Variants in PTPRG observed in about 807,000 individuals in gnomAD.
PTPRG encodes protein tyrosine phosphatase receptor type G.
Under a neutral mutation model 165.3 loss-of-function variants are expected in PTPRG, and 102 were observed. The ratio of observed to expected loss-of-function variants is 0.62; its 90% CI spans 0.53 to 0.73. PTPRG has a LOEUF of 0.73. Ranked by LOEUF, PTPRG falls within the 30% of genes least tolerant of loss-of-function variation. The pLI is 0.00. For synonymous variants in PTPRG, 675 were observed against 669.5 expected (o/e 1.01, Z -0.13); for missense variants, 1,866 against 1,861.4 (o/e 1.00, Z -0.05).
At chr3:61,746,240 A>T (rs1228994818) in intron 1 of PTPRG, among the ~76,000 whole-genome samples, 1 of 103,292 alleles carries the variant, frequency 9.7e-6, no homozygotes, top group African/African-American at 4.2e-5. Flanking sequence ...TTTTTTTGAG[A>T]CAGAATCTCG....
chr3:62,092,098 AC>A (rs1160292691), intron 5 of PTPRG, among the ~76,000 whole-genome samples: 6 of 146,744 alleles, frequency 4.1e-5, no homozygotes, highest in African/African-American at 1.0e-4. Flanking sequence ...ACACACACAC[AC>A]ACACACACAC....
chr3:61,575,597 AC>A (rs1299453806), intron 1 of PTPRG, among the ~76,000 whole-genome samples: 1 of 135,296 alleles, frequency 7.4e-6, no homozygotes, highest in East Asian at 2.0e-4. Context: ...GGCACACAGA[AC>A]TTTTTTTTTT....
chr3:61,653,391 G>A (rs955359963), intron 1 of PTPRG, among the ~76,000 whole-genome samples: 5 of 151,938 alleles, frequency 3.3e-5, no homozygotes, highest in Non-Finnish European at 7.4e-5. Context: ...TTTAGCAGCT[G>A]CAATAGTGAT....
intron 2 of PTPRG, among the ~76,000 whole-genome samples, chr3:61,863,210 G>C (rs2037320157): frequency 6.6e-6 from 1 of 152,202 alleles, no homozygotes; most frequent in Non-Finnish European, 1.5e-5. Context: ...TCTTTGAGCA[G>C]TGGATTGTCT....
rs79326644 is a variant in PTPRG at position 62,290,003 on chromosome 3, A to C, written c.4056-2418A>C. Reference sequence around the variant, plus strand: ...GAGAAGCCACAAACTATTAAAACTTAAGCAGGGTTCTTCTGTTTGACCGGA... The same window carrying C: ...GAGAAGCCACAAACTATTAAAACTTCAGCAGGGTTCTTCTGTTTGACCGGA... On this transcript the variant is annotated intron_variant, in intron 28 of 29. Coordinates refer to ENST00000474889, the MANE Select transcript of PTPRG (RefSeq NM_002841.4). Among the ~76,000 whole-genome samples, 1,006 of 152,226 alleles carry C rather than the reference A, an allele frequency of 6.6e-3. 8 individuals carry two copies. The highest frequency in any genetic ancestry group is 0.022 in the African/African-American group (925 of 41,540).
intron 13 of PTPRG, among the ~76,000 whole-genome samples, chr3:62,225,900 C>T (rs1156831556): frequency 5.3e-5 from 8 of 151,994 alleles, no homozygotes; most frequent in Admixed American, 2.0e-4. Flanking sequence ...GTGATCCACC[C>T]GCCTCTGTCT....
At position 62,132,635 on chromosome 3, in the gene PTPRG, AT is replaced by A; in HGVS notation, c.651del (p.Ile218SerfsTer4). 1.2e-6 allele frequency: 2 copies of A among 1,612,466 alleles called. No homozygotes were observed. Among genetic ancestry groups the A allele is most frequent in the Non-Finnish European group, 1.7e-6 (2 of 1,178,502 alleles). The part of the protein sequence containing the change: ...SPRDNSALDP[I>X]IHGLKGVVHH... ...GAGGGACAATTCTGCACTGGATCCT[AT>A]TATCCACGGGTTGAAGGGTGTCGTA... is the stretch of plus-strand genomic sequence containing the variant. On this transcript the variant is annotated frameshift_variant, in exon 6 of 30. Coordinates refer to ENST00000474889, the MANE Select transcript of PTPRG (RefSeq NM_002841.4). LOFTEE classifies it high-confidence loss of function.
chr3:61,967,245 G>A (rs1023215308), intron 2 of PTPRG, among the ~76,000 whole-genome samples: 2 of 152,190 alleles, frequency 1.3e-5, no homozygotes, highest in Non-Finnish European at 2.9e-5. Flanking sequence ...ATCTGGTTGG[G>A]AGATGGGTCT....
At chr3:61,836,705 G>A (rs1366944939) in intron 2 of PTPRG, among the ~76,000 whole-genome samples, 1 of 151,182 alleles carries the variant, frequency 6.6e-6, no homozygotes, top group Non-Finnish European at 1.5e-5. Flanking sequence ...GTGAAGTTCT[G>A]TTTGAAACCA....
intron 8 of PTPRG, among the ~76,000 whole-genome samples, chr3:62,170,733 T>G (rs545280042): frequency 3.9e-5 from 6 of 152,278 alleles, no homozygotes; most frequent in Middle Eastern, 3.4e-3. Flanking sequence ...TCTGATATTT[T>G]TAGAGCCAAA....
At chr3:61,612,196 G>T (rs996754298) in intron 1 of PTPRG, among the ~76,000 whole-genome samples, 7 of 152,166 alleles carry the variant, frequency 4.6e-5, no homozygotes, top group Admixed American at 3.9e-4. Flanking sequence ...ACCTGCCTTG[G>T]CCTAATCCCA....
intron 13 of PTPRG, among the ~76,000 whole-genome samples, chr3:62,225,518 G>GA (rs1700742705): frequency 7.1e-6 from 1 of 141,248 alleles, no homozygotes; most frequent in African/African-American, 2.6e-5. Context: ...TTTTAGTTTT[G>GA]TTTTTTTTTT....
chr3:62,259,641 GAGGGAGATAAA>G (rs1701634248), intron 16 of PTPRG, among the ~76,000 whole-genome samples: 1 of 152,318 alleles, frequency 6.6e-6, no homozygotes, highest in Non-Finnish European at 1.5e-5. Context: ...TTTTGGTGAA[GAGGGAGATAAA>G]AGGGAGATAG....
rs185019573 is a variant in PTPRG, at chr3:61,962,250, T to C, written c.191-27375T>C. ...GACTCTCAAGACAAGATCAGGATAA[T>C]AGACTGTCTAAAAGGAATGTGTTAA... On this transcript the variant is annotated intron_variant, in intron 2 of 29. Transcript: ENST00000474889. 3.9e-5 allele frequency among the ~76,000 whole-genome samples: 6 copies of C among 152,300 alleles called. No homozygotes were observed. The East Asian group carries it at 1.2e-3, about 29-fold the overall frequency.
At chr3:61,932,546 C>CT (rs1051992141) in intron 2 of PTPRG, among the ~76,000 whole-genome samples, 4 of 152,200 alleles carry the variant, frequency 2.6e-5, no homozygotes, top group African/African-American at 4.8e-5. Context: ...TGAGTTCTTA[C>CT]TGTGTGCAAG....
chr3:61,912,686 T>C (rs778572743), intron 2 of PTPRG, among the ~76,000 whole-genome samples: 2 of 152,198 alleles, frequency 1.3e-5, no homozygotes, highest in Non-Finnish European at 2.9e-5. Flanking sequence ...CCCTTATTCT[T>C]GTCAATCGGG....
At position 62,282,713 on chromosome 3, in the gene PTPRG, T is replaced by G. The variant is rs1415388675; in HGVS notation, c.3913-14T>G. On this transcript the variant is annotated splice_polypyrimidine_tract_variant and intron_variant, in intron 27 of 29. Transcript: ENST00000474889. The stretch of plus-strand genomic sequence containing the variant: ...ATAAAGGAAGGGATTTGACCCATGT[T>G]GTATTGGTTACAGGATGACTATGTC... 2 of 1,601,862 alleles carry G rather than the reference T, an allele frequency of 1.2e-6. No homozygotes were observed. Among genetic ancestry groups the G allele is most frequent in the Admixed American group, 3.5e-5 (2 of 56,930 alleles).
intron 2 of PTPRG, among the ~76,000 whole-genome samples, chr3:61,810,767 C>G (rs753035738): frequency 4.6e-5 from 7 of 152,170 alleles, no homozygotes; most frequent in Non-Finnish European, 8.8e-5. Context: ...AATGAATAGG[C>G]ATTTTTTATA....
At chr3:61,656,041 C>A (rs981152591) in intron 1 of PTPRG, among the ~76,000 whole-genome samples, 2 of 87,022 alleles carry the variant, frequency 2.3e-5, no homozygotes, top group South Asian at 2.7e-4. Context: ...ATAGCAAGAC[C>A]CCCCCCCCCC....
Sources: allele counts gnomAD v4.1 joint callset (sites outside exome capture counted in the v4.1 genomes callset), GRCh38; gene constraint gnomAD v4.1.1; transcripts MANE v1.5; gene names NCBI Gene and HGNC (gene_info 2026-07-23, HGNC 2026-07-21).